Variants in KCNK10 observed in about 807,000 individuals in gnomAD.
The protein encoded by KCNK10 is potassium two pore domain channel subfamily K member 10.
In KCNK10, 25 loss-of-function variants were observed where a neutral mutation model predicts 47.7. The observed-to-expected ratio is 0.52, with a 90% confidence interval of 0.38 to 0.73. KCNK10 has a LOEUF of 0.73. Among genes scored for constraint, KCNK10 ranks in the 30% least tolerant of loss-of-function variants. The probability of loss-of-function intolerance (pLI) is 0.00; values close to 1 mark genes in which losing one functional copy is unlikely to be tolerated. For missense variants in KCNK10, 563 were observed against 714.5 expected, an observed-to-expected ratio of 0.79 and a Z score of 2.42; for synonymous variants, 303 against 285.6, an observed-to-expected ratio of 1.06 and a Z score of -0.61.
rs138035306 is a variant in KCNK10 at position 88,259,474 on chromosome 14, T to A, written c.402+3728A>T. On this transcript the variant is annotated intron_variant, in intron 2 of 6. Coordinates refer to ENST00000319231, the MANE Select transcript of KCNK10 (RefSeq NM_138317.3). ...CCAGGAACTCTAATGATTTACTTAC[T>A]GAGACAAGGTCTCACTCTGTTTCCC... Among the ~76,000 whole-genome samples, 97 of 152,314 alleles carry A rather than the reference T, an allele frequency of 6.4e-4. No homozygotes were observed. The Middle Eastern group carries it at 0.024, about 37-fold the overall frequency.
intron 1 of KCNK10, among the ~76,000 whole-genome samples, chr14:88,282,542 C>G (rs1204771306): frequency 6.6e-6 from 1 of 152,196 alleles, no homozygotes; most frequent in Non-Finnish European, 1.5e-5. Flanking sequence ...AAAGCTGAGG[C>G]TTAGAAGACA....
rs1484195999 is a variant in KCNK10 at position 88,192,289 on chromosome 14, G to T, written c.803C>A (p.Ala268Asp). 6.2e-7 allele frequency: 1 copy of T among 1,614,078 alleles called. No individual in the cohort carries two copies. Among genetic ancestry groups the T allele is most frequent in the South Asian group, 1.1e-5 (1 of 91,074 alleles). The part of the protein sequence containing the change: ...VIFKYIEGWT[A>D]LESIYFVVVT... ...CACCACAAAGTAAATGGACTCCAAGGCCGTCCAGCCCTCGATGTACTTAAA... is the reference window on the plus strand; with the variant it reads ...CACCACAAAGTAAATGGACTCCAAGTCCGTCCAGCCCTCGATGTACTTAAA... The change falls in exon 5 of 7, where the codon GCC becomes GAC. Residue 268 changes from alanine to aspartate, a missense_variant. Physicochemically the swap from Ala to Asp is moderately radical, Grantham distance 126. Coordinates refer to ENST00000319231, the MANE Select transcript of KCNK10 (RefSeq NM_138317.3).
chr14:88,252,720 CAATGCGCACAGCCAATAA>C (rs1179254555), intron 2 of KCNK10, among the ~76,000 whole-genome samples: 2 of 152,140 alleles, frequency 1.3e-5, no homozygotes, highest in Non-Finnish European at 2.9e-5. Flanking sequence ...GAGTCAGGCC[CAATGCGCACAGCCAATAA>C]AATGAGTCAG....
intron 6 of KCNK10, among the ~76,000 whole-genome samples, chr14:88,187,550 C>G (rs1884606293): frequency 6.6e-6 from 1 of 152,042 alleles, no homozygotes; most frequent in South Asian, 2.1e-4. Flanking sequence ...ATTTCAGTTT[C>G]TTACTGAATC....
chr14:88,263,058 G>A (rs777028899), intron 2 of KCNK10, 144 bp downstream of exon 2: 20 of 642,830 alleles, frequency 3.1e-5, no homozygotes, highest in Non-Finnish European at 4.5e-5. Flanking sequence ...GGAGGTCTCA[G>A]CTCACATGTC....
upstream of KCNK10, chr14:88,326,535 A>C (rs923569265): frequency 6.1e-6 from 7 of 1,148,748 alleles, no homozygotes; most frequent in Non-Finnish European, 9.1e-6. Context: ...CAGGCGGGTT[A>C]AGTCTGGTGG....
In KCNK10 at chr14:88,186,050, G is replaced by A. The variant is rs771917656; in HGVS notation, c.1117C>T (p.Arg373Trp). The A allele has an allele frequency of 1.4e-5, 22 of 1,613,002 alleles. No individual in the cohort carries two copies. The Admixed American group carries it at 1.8e-4, about 13-fold the overall frequency. Residue 373 changes from arginine (R) to tryptophan (W), a missense_variant, in exon 7 of 7, where the codon CGG (arginine) becomes TGG (tryptophan). By Grantham distance (101) the Arg-to-Trp change is moderately radical. Coordinates refer to ENST00000319231, the MANE Select transcript of KCNK10 (RefSeq NM_138317.3). The surrounding 1 kb of genome is among the most constrained non-coding windows in gnomAD (Gnocchi z 5.5). The stretch of plus-strand genomic sequence containing the variant: ...TCCATGCTGCGGATGGTGGCCGCCC[G>A]CTGCAGCTTATCGTGGATCTCCACG... ...LSVEIHDKLQ[R>W]AATIRSMERR... is the part of the protein sequence containing the mutation.
At position 88,186,031 on chromosome 14, in the gene KCNK10, C is replaced by A. The variant is rs1884546832; in HGVS notation, c.1136G>T (p.Ser379Ile). 1 of 1,613,532 alleles carries A rather than the reference C, an allele frequency of 6.2e-7. No homozygotes were observed. Among genetic ancestry groups the A allele is most frequent in the Non-Finnish European group, 8.5e-7 (1 of 1,179,974 alleles). The change falls in exon 7 of 7, where the codon AGC becomes ATC. Residue 379 changes from serine to isoleucine, a missense_variant. Ser to Ile is a moderately radical substitution (Grantham distance 142). Coordinates refer to ENST00000319231, the MANE Select transcript of KCNK10 (RefSeq NM_138317.3). This position sits in a 1 kb window ranked among gnomAD's most constrained non-coding sequence, Gnocchi z 5.5. Reference sequence around the variant, plus strand: ...CAGGCCCAGCCGCCGGCGCTCCATGCTGCGGATGGTGGCCGCCCGCTGCAG... The same window carrying A: ...CAGGCCCAGCCGCCGGCGCTCCATGATGCGGATGGTGGCCGCCCGCTGCAG... ...DKLQRAATIRSMERRRLGLDQ... is the reference protein window; with the variant it reads ...DKLQRAATIRIMERRRLGLDQ...
intron 2 of KCNK10, among the ~76,000 whole-genome samples, chr14:88,251,059 C>T (rs922140609): frequency 3.3e-5 from 5 of 151,238 alleles, no homozygotes; most frequent in African/African-American, 1.2e-4. Flanking sequence ...ATGATGAAAC[C>T]CCGTCTCTAC....
At chr14:88,267,808 G>A (rs1436843681) in intron 1 of KCNK10, among the ~76,000 whole-genome samples, 1 of 152,206 alleles carries the variant, frequency 6.6e-6, no homozygotes, top group Non-Finnish European at 1.5e-5. Context: ...AACCAACAAA[G>A]AAGCAAACTT....
chr14:88,238,558 T>C, intron 3 of KCNK10, among the ~76,000 whole-genome samples: 1 of 152,126 alleles, frequency 6.6e-6, no homozygotes, highest in Non-Finnish European at 1.5e-5. Context: ...ACTAGTAGTC[T>C]GAGCTACTTA....
intron 5 of KCNK10, among the ~76,000 whole-genome samples, chr14:88,189,328 G>T (rs1884674022): frequency 6.6e-6 from 1 of 152,200 alleles, no homozygotes; most frequent in African/African-American, 2.4e-5. Flanking sequence ...AGCTGCTTTT[G>T]GTTTTTCCTT....
intron 4 of KCNK10, among the ~76,000 whole-genome samples, chr14:88,220,901 A>G (rs1885788082): frequency 6.6e-6 from 1 of 152,050 alleles, no homozygotes; most frequent in African/African-American, 2.4e-5. Context: ...TAAAGACACT[A>G]TCAAGAGAAT....
chr14:88,236,801 C>T (rs1886314650), intron 3 of KCNK10, among the ~76,000 whole-genome samples: 1 of 152,154 alleles, frequency 6.6e-6, no homozygotes, highest in South Asian at 2.1e-4. Context: ...CTTGAAAATA[C>T]TTTATTACCA....
At chr14:88,326,297 C>T (rs1888661670), upstream of KCNK10, 1 of 762,084 alleles carries the variant, frequency 1.3e-6, no homozygotes, top group African/African-American at 1.7e-5. Flanking sequence ...GAGTGGACTG[C>T]ATGGAGTGGG....
Position 88,196,278 on chromosome 14 carries a change from A to C in KCNK10, c.682-3868T>G, listed in dbSNP as rs114633196. The stretch of plus-strand genomic sequence containing the variant: ...ATATGTGCAATTGTTCCAAAGACCA[A>C]GTAAGCTTCGTAAACAGGAGGAGAG... On this transcript the variant is annotated intron_variant, in intron 4 of 6. Coordinates refer to ENST00000319231, the MANE Select transcript of KCNK10 (RefSeq NM_138317.3). 6.3e-3 allele frequency among the ~76,000 whole-genome samples: 955 copies of C among 152,350 alleles called. 8 individuals are homozygous for C. The highest frequency in any genetic ancestry group is 0.022 in the African/African-American group (915 of 41,566).
At chr14:88,318,300 G>C (rs777275690) in intron 1 of KCNK10, among the ~76,000 whole-genome samples, 31 of 152,216 alleles carry the variant, frequency 2.0e-4, no homozygotes, top group Non-Finnish European at 4.4e-4. Flanking sequence ...AAGGGTTATT[G>C]AGTGCCAGGC....
At chr14:88,289,251 C>T (rs947328544) in intron 1 of KCNK10, among the ~76,000 whole-genome samples, 1 of 152,190 alleles carries the variant, frequency 6.6e-6, no homozygotes, top group Admixed American at 6.5e-5. Context: ...TCCTTCTTTG[C>T]CTTTTAAAGT....
intron 2 of KCNK10, among the ~76,000 whole-genome samples, chr14:88,253,591 T>C (rs114170672): frequency 0.018 from 2,777 of 152,120 alleles, 73 homozygotes; most frequent in African/African-American, 0.064. Flanking sequence ...TGAAACTCTA[T>C]TTGGAAAGGA....
Sources: allele counts gnomAD v4.1 joint callset (sites outside exome capture counted in the v4.1 genomes callset), GRCh38; gene constraint gnomAD v4.1.1; non-coding constraint Gnocchi (gnomAD v3.1); transcripts MANE v1.5; gene names NCBI Gene and HGNC (gene_info 2026-07-23, HGNC 2026-07-21).